TDRD5: variants seen among roughly 807,000 people sequenced by gnomAD.
The protein encoded by TDRD5 is tudor domain-containing protein 5.
Under a neutral mutation model 120.6 loss-of-function variants are expected in TDRD5, and 41 were observed. The observed-to-expected ratio is 0.34, with a 90% confidence interval of 0.26 to 0.44. The LOEUF (loss-of-function observed/expected upper bound fraction) is 0.44, where lower values mean the gene tolerates loss of function less well. Ranked by LOEUF, TDRD5 falls within the 20% of genes least tolerant of loss-of-function variation. TDRD5 has a pLI of 1.00. For missense variants in TDRD5, 1,006 were observed against 1,221.2 expected, an observed-to-expected ratio of 0.82 and a Z score of 2.63; for synonymous variants, 430 against 433.7, an observed-to-expected ratio of 0.99 and a Z score of 0.11.
chr1:179,635,317 G>C (rs1677704245), intron 8 of TDRD5, among the ~76,000 whole-genome samples: 1 of 152,132 alleles, frequency 6.6e-6, no homozygotes, highest in Admixed American at 6.5e-5. Flanking sequence ...ATATGAGTAG[G>C]ATAAGAATCC....
chr1:179,616,575 T>G (rs548086202), intron 4 of TDRD5, among the ~76,000 whole-genome samples: 1 of 152,200 alleles, frequency 6.6e-6, no homozygotes, highest in African/African-American at 2.4e-5. Flanking sequence ...TGTTTTTGCT[T>G]GTATAACCAA....
intron 17 of TDRD5, 97 bp downstream of exon 17, chr1:179,669,501 C>A: frequency 1.5e-6 from 2 of 1,300,152 alleles, no homozygotes; most frequent in Admixed American, 2.0e-5. Context: ...GCAAAATATA[C>A]CTTGAAACAT....
At chr1:179,630,974 CA>C (rs1333156272) in intron 7 of TDRD5, 54 bp downstream of exon 7, 1 of 1,492,840 alleles carries the variant, frequency 6.7e-7, no homozygotes, top group East Asian at 2.3e-5. Flanking sequence ...CTTATGAGGA[CA>C]AAGAGAAAAC....
chr1:179,636,900 T>C, intron 9 of TDRD5, among the ~76,000 whole-genome samples: 1 of 152,212 alleles, frequency 6.6e-6, no homozygotes, highest in East Asian at 1.9e-4. Flanking sequence ...AGCTTGCTAG[T>C]GGTTCTTTCA....
At chr1:179,638,294 C>G (rs1677880016) in intron 9 of TDRD5, among the ~76,000 whole-genome samples, 1 of 126,516 alleles carries the variant, frequency 7.9e-6, no homozygotes, top group Non-Finnish European at 1.7e-5. Flanking sequence ...ATGAAAATTG[C>G]CAGGTGACAA....
At chr1:179,682,545 A>G (rs964513326) in intron 17 of TDRD5, among the ~76,000 whole-genome samples, 1 of 152,110 alleles carries the variant, frequency 6.6e-6, no homozygotes, top group African/African-American at 2.4e-5. Flanking sequence ...AGCTTCATCC[A>G]TGTCCCTGCA....
At chr1:179,599,175 T>C (rs1675561770) in intron 4 of TDRD5, among the ~76,000 whole-genome samples, 1 of 152,166 alleles carries the variant, frequency 6.6e-6, no homozygotes, top group Non-Finnish European at 1.5e-5. Flanking sequence ...GCCAACCTTA[T>C]ATTTCTGGAT....
At chr1:179,684,069 T>C (rs1194041728) in intron 17 of TDRD5, among the ~76,000 whole-genome samples, 2 of 152,184 alleles carry the variant, frequency 1.3e-5, no homozygotes, top group Non-Finnish European at 2.9e-5. Flanking sequence ...TTATTATACT[T>C]TAAGTTTTAG....
At chr1:179,675,235 A>G (rs1172483527) in intron 17 of TDRD5, among the ~76,000 whole-genome samples, 1 of 141,608 alleles carries the variant, frequency 7.1e-6, no homozygotes, top group Non-Finnish European at 1.5e-5. Context: ...GATAGATTGT[A>G]TCATTCAGTT....
chr1:179,602,683 C>A (rs1480829338), intron 4 of TDRD5, among the ~76,000 whole-genome samples: 1 of 152,074 alleles, frequency 6.6e-6, no homozygotes, highest in African/African-American at 2.4e-5. Context: ...GATCAGTTGG[C>A]TGTAAGTATT....
chr1:179,679,285 T>C (rs957161455), intron 17 of TDRD5, among the ~76,000 whole-genome samples: 5 of 152,204 alleles, frequency 3.3e-5, no homozygotes, highest in Admixed American at 3.3e-4. Context: ...GTTAAGGATT[T>C]TTATGGCCAT....
chr1:179,635,705 G>A lies in TDRD5; in HGVS notation c.1338G>A (p.Met446Ile), dbSNP rs1490902253. The change falls in exon 9 of 18, where the codon ATG (methionine) becomes ATA (isoleucine). Residue 446 changes from methionine to isoleucine, a missense_variant. Around this residue, in one of 3 missense-constraint regions of TDRD5, gnomAD observed 158 missense variants for 257.5 expected, o/e 0.61. Transcript: ENST00000444136. ...ACAAATCAGAGCTCAACTTGGCAAT[G>A]GCAAATCATGACATCCCGCCAGACG... ...ETNKSELNLAMANHDIPPDAV... is the reference protein window; with the variant it reads ...ETNKSELNLAIANHDIPPDAV... 1 of 1,613,884 alleles carries A rather than the reference G, an allele frequency of 6.2e-7. No homozygotes were observed. Among genetic ancestry groups the A allele is most frequent in the Admixed American group, 1.7e-5 (1 of 60,000 alleles).
chr1:179,593,114 C>CA (rs879875172), intron 2 of TDRD5, among the ~76,000 whole-genome samples: 6 of 151,442 alleles, frequency 4.0e-5, no homozygotes, highest in Non-Finnish European at 5.9e-5. Context: ...TCGAGAGAAA[C>CA]AAAAAAAGGA....
intron 8 of TDRD5, 57 bp downstream of exon 8, chr1:179,634,686 ATG>A: frequency 6.6e-7 from 1 of 1,512,212 alleles, no homozygotes; most frequent in Non-Finnish European, 8.8e-7. Context: ...AAGTAAATGA[ATG>A]TGTGTTTCTT....
At chr1:179,596,360 A>G (rs900954146) in intron 4 of TDRD5, among the ~76,000 whole-genome samples, 1 of 152,218 alleles carries the variant, frequency 6.6e-6, no homozygotes, top group Non-Finnish European at 1.5e-5. Context: ...TACATGTAGT[A>G]AAATTTACTC....
intron 7 of TDRD5, among the ~76,000 whole-genome samples, chr1:179,633,730 A>G (rs1404166610): frequency 6.6e-6 from 1 of 152,162 alleles, no homozygotes; most frequent in East Asian, 1.9e-4. Context: ...TAACTTGAAA[A>G]TTTCCTAAGA....
chr1:179,678,124 ACC>A, intron 17 of TDRD5, among the ~76,000 whole-genome samples: 1 of 149,482 alleles, frequency 6.7e-6, no homozygotes, highest in African/African-American at 2.5e-5. Context: ...GTGGAATTAC[ACC>A]CCCAGGGGGA....
intron 17 of TDRD5, among the ~76,000 whole-genome samples, chr1:179,672,645 G>C (rs541977310): frequency 5.3e-4 from 80 of 152,140 alleles, no homozygotes; most frequent in African/African-American, 1.9e-3. Context: ...TTTGCTTCTG[G>C]GTTCTTGATC....
At chr1:179,626,389 C>G (rs12064723) in intron 6 of TDRD5, among the ~76,000 whole-genome samples, 2,016 of 152,140 alleles carry the variant, frequency 0.013, 55 homozygotes, top group African/African-American at 0.045. Context: ...AAGTTTGTCT[C>G]TAGGGGTGAC....
Sources: gnomAD v4.1 joint callset for allele counts (sites outside exome capture counted in the v4.1 genomes callset) on GRCh38, gnomAD v4.1.1 for gene constraint, gnomAD v4.1.1 regional missense constraint, MANE v1.5 for transcripts, NCBI Gene and HGNC (gene_info 2026-07-23, HGNC 2026-07-21) for gene names.